Variants in ST8SIA1 observed in about 807,000 individuals in gnomAD.
The protein encoded by ST8SIA1 is alpha-N-acetylneuraminide alpha-2,8-sialyltransferase.
Under a neutral mutation model 35.9 loss-of-function variants are expected in ST8SIA1, and 16 were observed. That is an observed-to-expected ratio of 0.45 (90% CI 0.30 to 0.68). ST8SIA1 has a LOEUF of 0.68. Ranked by LOEUF, ST8SIA1 falls within the 30% of genes least tolerant of loss-of-function variation. The pLI, the probability that ST8SIA1 is intolerant of heterozygous loss-of-function variation, is 0.09. For synonymous variants in ST8SIA1, 170 were observed against 169.6 expected (o/e 1.00, Z -0.02); for missense variants, 383 against 453.6 (o/e 0.84, Z 1.41).
intron 2 of ST8SIA1, among the ~76,000 whole-genome samples, chr12:22,261,511 T>C (rs1295549977): frequency 6.6e-6 from 1 of 152,152 alleles, no homozygotes; most frequent in Non-Finnish European, 1.5e-5. Flanking sequence ...AGGTATCATA[T>C]CTTTTTTTTC....
At chr12:22,330,009 C>A (rs1866739044) in intron 1 of ST8SIA1, among the ~76,000 whole-genome samples, 1 of 152,192 alleles carries the variant, frequency 6.6e-6, no homozygotes, top group African/African-American at 2.4e-5. Context: ...CTTCGTCCTA[C>A]CACCCAGCCC....
chr12:22,315,009 C>T lies in ST8SIA1; in HGVS notation c.236+18988G>A, dbSNP rs1866500152. ...TTTCTCAGGCTCAGAATATGCATGA[C>T]TGTTTCTCTGCCAATTCAAATCCCA... On this transcript the variant is annotated intron_variant, in intron 1 of 4. Transcript: ENST00000396037. Among the ~76,000 whole-genome samples the T allele has an allele frequency of 2.0e-5, 3 of 152,134 alleles. No homozygotes were observed. In the South Asian group the frequency reaches 6.2e-4, roughly 31 times the overall value.
chr12:22,207,806 T>C (rs1468613607), intron 4 of ST8SIA1, among the ~76,000 whole-genome samples: 4 of 152,100 alleles, frequency 2.6e-5, no homozygotes, highest in Admixed American at 1.3e-4. Context: ...TCCACAATCA[T>C]AATGAGTTTT....
rs1865045724 is a variant in ST8SIA1 at position 22,201,280 on chromosome 12, T to G, written c.*272A>C. On this transcript the variant is annotated 3_prime_UTR_variant, in exon 5 of 5. Transcript: ENST00000396037. Reference sequence around the variant, plus strand: ...TGTTTTTGAACTGCATCTTCTAGATTTGAACCATGTGCTTTACCAACAGCA... The same window carrying G: ...TGTTTTTGAACTGCATCTTCTAGATGTGAACCATGTGCTTTACCAACAGCA... 4 of 351,560 alleles carry G rather than the reference T, an allele frequency of 1.1e-5. No homozygotes were observed. The East Asian group carries it at 1.5e-4, about 14-fold the overall frequency. The allele number at this position is 351,560 out of a possible 1,614,324, so 21.8% of individuals were successfully genotyped here. A position where few individuals can be genotyped will look rare whatever the true frequency, so the allele number is the denominator to read the frequency against.
chr12:22,321,191 C>T (rs975740402), intron 1 of ST8SIA1, among the ~76,000 whole-genome samples: 2 of 151,978 alleles, frequency 1.3e-5, no homozygotes, highest in African/African-American at 2.4e-5. Context: ...GAAAGGGAGA[C>T]GGAAAGATAG....
In ST8SIA1 at chr12:22,193,766, A is replaced by G. The variant is rs892675057; in HGVS notation, c.*7786T>C. 1.2e-4 allele frequency: 18 copies of G among 152,124 alleles called. No individual in the cohort carries two copies. Among genetic ancestry groups the G allele is most frequent in the African/African-American group, 4.1e-4 (17 of 41,432 alleles). The allele number at this position is 152,124 out of a possible 1,614,324, so 9.4% of individuals were successfully genotyped here. ...TTAATAGAAAGAAGCAATTCCATAT[A>G]CTCTTCAAAGGTGATTTCAATTTTA... On this transcript the variant is annotated 3_prime_UTR_variant, in exon 5 of 5. Coordinates refer to ENST00000396037, the MANE Select transcript of ST8SIA1 (RefSeq NM_003034.4).
At chr12:22,306,853 C>CT (rs1207120223) in intron 1 of ST8SIA1, among the ~76,000 whole-genome samples, 4 of 152,104 alleles carry the variant, frequency 2.6e-5, no homozygotes, top group Non-Finnish European at 5.9e-5. Flanking sequence ...ATTTTTATCA[C>CT]TTTTTTTCCT....
chr12:22,206,092 T>G (rs1470848064), intron 4 of ST8SIA1, among the ~76,000 whole-genome samples: 1 of 152,066 alleles, frequency 6.6e-6, no homozygotes, highest in African/African-American at 2.4e-5. Context: ...AAAGGAATAT[T>G]AATAGAATAG....
chr12:22,255,318 G>A lies in ST8SIA1; in HGVS notation c.453C>T (p.Gly151=). 1 of 1,614,192 alleles carries A rather than the reference G, an allele frequency of 6.2e-7. No homozygotes were observed. The highest frequency in any genetic ancestry group is 1.7e-5 in the Admixed American group (1 of 60,032). Residue 151 remains glycine (G), a synonymous_variant, in exon 3 of 5, where the codon GGC becomes GGT. Transcript: ENST00000396037. The part of the protein sequence containing the change: ...VGNGGILKKS[G]CGRQIDEANF... ...TTGCTTCATCTATTTGACGGCCACA[G>A]CCACTCTTCTTCAGAATCCCACCAT...
At chr12:22,207,515 G>A (rs1371678345) in intron 4 of ST8SIA1, among the ~76,000 whole-genome samples, 2 of 152,158 alleles carry the variant, frequency 1.3e-5, no homozygotes, top group Admixed American at 6.5e-5. Flanking sequence ...TAGATTTCTT[G>A]GAACATAACT....
chr12:22,269,205 A>G (rs933780037), intron 2 of ST8SIA1, among the ~76,000 whole-genome samples: 1 of 152,160 alleles, frequency 6.6e-6, no homozygotes, highest in African/African-American at 2.4e-5. Context: ...AAAGATTGGG[A>G]AAGACTCTTT....
At chr12:22,231,378 C>CTT (rs576724914) in intron 4 of ST8SIA1, among the ~76,000 whole-genome samples, 2,382 of 147,030 alleles carry the variant, frequency 0.016, 49 homozygotes, top group Admixed American at 0.069. Flanking sequence ...TTAGAATAAG[C>CTT]TTTTTTTTTT....
intron 2 of ST8SIA1, among the ~76,000 whole-genome samples, chr12:22,286,260 CT>C (rs1866100346): frequency 1.3e-5 from 2 of 152,180 alleles, no homozygotes; most frequent in Non-Finnish European, 2.9e-5. Flanking sequence ...GTCAGCATGG[CT>C]GTTTTATAGA....
chr12:22,231,751 T>A (rs1865424631), intron 4 of ST8SIA1, among the ~76,000 whole-genome samples: 2 of 152,000 alleles, frequency 1.3e-5, no homozygotes, highest in South Asian at 4.2e-4. Context: ...TTTTTTGTAT[T>A]TTTAGTAGAG....
intron 3 of ST8SIA1, among the ~76,000 whole-genome samples, chr12:22,251,731 C>CT (rs1169158681): frequency 3.3e-5 from 5 of 152,130 alleles, no homozygotes; most frequent in African/African-American, 9.7e-5. Flanking sequence ...ATATTAATGA[C>CT]TAAAGTGTCT....
chr12:22,301,089 TTC>T (rs1866313162), intron 1 of ST8SIA1, among the ~76,000 whole-genome samples: 1 of 152,074 alleles, frequency 6.6e-6, no homozygotes, highest in African/African-American at 2.4e-5. Context: ...GGTAATAAAT[TTC>T]TTTGTCAATT....
At chr12:22,249,990 G>A (rs1251007834) in intron 3 of ST8SIA1, among the ~76,000 whole-genome samples, 1 of 152,128 alleles carries the variant, frequency 6.6e-6, no homozygotes, top group Non-Finnish European at 1.5e-5. Flanking sequence ...CTGATTACTG[G>A]TGAAGGTATA....
chr12:22,327,642 T>C (rs1207667141), intron 1 of ST8SIA1, among the ~76,000 whole-genome samples: 1 of 152,200 alleles, frequency 6.6e-6, no homozygotes, highest in African/African-American at 2.4e-5. Flanking sequence ...GCACAGAGCA[T>C]GGACCCCTCT....
chr12:22,315,772 A>G (rs1287035860), intron 1 of ST8SIA1, among the ~76,000 whole-genome samples: 1 of 147,230 alleles, frequency 6.8e-6, no homozygotes, highest in African/African-American at 2.5e-5. Context: ...CTTAATGTAA[A>G]AAAAAAAAAA....
Sources: gnomAD v4.1 joint callset for allele counts (sites outside exome capture counted in the v4.1 genomes callset) on GRCh38, gnomAD v4.1.1 for gene constraint, MANE v1.5 for transcripts, NCBI Gene and HGNC (gene_info 2026-07-23, HGNC 2026-07-21) for gene names.